The following TGFB2 variants were observed in gnomAD, a reference collection of about 807,000 sequenced individuals.
TGFB2 encodes the protein transforming growth factor beta 2.
Under a neutral mutation model 42.7 loss-of-function variants are expected in TGFB2, and 13 were observed. The ratio of observed to expected loss-of-function variants is 0.30; its 90% CI spans 0.20 to 0.48. The LOEUF (loss-of-function observed/expected upper bound fraction) is 0.48. TGFB2 is among the 20% of genes least tolerant of loss of function. The probability of loss-of-function intolerance (pLI) is 0.99; values close to 1 mark genes in which losing one functional copy is unlikely to be tolerated. For missense variants in TGFB2, 390 were observed against 517.5 expected, an observed-to-expected ratio of 0.75 and a Z score of 2.39; for synonymous variants, 193 against 193.6, an observed-to-expected ratio of 1.00 and a Z score of 0.03.
At chr1:218,350,889 A>C (rs1441938521) in intron 1 of TGFB2, among the ~76,000 whole-genome samples, 1 of 152,238 alleles carries the variant, frequency 6.6e-6, no homozygotes, top group Non-Finnish European at 1.5e-5. Flanking sequence ...AAAGAGTGGA[A>C]TCTCCAAGCT....
chr1:218,434,295 T>G, intron 3 of TGFB2, 43 bp from the exon 4 acceptor site: 1 of 1,612,294 alleles, frequency 6.2e-7, no homozygotes, highest in African/African-American at 1.3e-5. Flanking sequence ...TTTAAGGGTA[T>G]AGACACACAT....
At chr1:218,428,971 TC>T (rs1486630913) in intron 2 of TGFB2, among the ~76,000 whole-genome samples, 2 of 137,122 alleles carry the variant, frequency 1.5e-5, no homozygotes, top group East Asian at 2.6e-4. Context: ...TCCATGAGCA[TC>T]TTTTTTTTTT....
intron 2 of TGFB2, among the ~76,000 whole-genome samples, chr1:218,422,474 G>T (rs1359050037): frequency 6.6e-6 from 1 of 152,114 alleles, no homozygotes; most frequent in African/African-American, 2.4e-5. Context: ...TTCCATCTCA[G>T]CGTCCCATAG....
chr1:218,374,488 C>G (rs1181479407), intron 1 of TGFB2, among the ~76,000 whole-genome samples: 1 of 152,198 alleles, frequency 6.6e-6, no homozygotes, highest in Non-Finnish European at 1.5e-5. Flanking sequence ...ACGGGGCCCC[C>G]GTGGTCTGCT....
chr1:218,372,629 AG>A (rs778893692), intron 1 of TGFB2, among the ~76,000 whole-genome samples: 4 of 152,196 alleles, frequency 2.6e-5, no homozygotes, highest in African/African-American at 7.2e-5. Context: ...CTAACCTACT[AG>A]GTGCACTGGT....
intron 2 of TGFB2, among the ~76,000 whole-genome samples, chr1:218,414,426 A>G (rs947293429): frequency 2.0e-5 from 3 of 152,200 alleles, no homozygotes; most frequent in Non-Finnish European, 2.9e-5. Flanking sequence ...ACAGCATACA[A>G]TCTTCTTAAT....
chr1:218,426,110 T>G (rs1369198797), intron 2 of TGFB2, among the ~76,000 whole-genome samples: 1 of 152,228 alleles, frequency 6.6e-6, no homozygotes, highest in Non-Finnish European at 1.5e-5. Flanking sequence ...GGTGTCAATT[T>G]TTCTCTACAG....
intron 1 of TGFB2, among the ~76,000 whole-genome samples, chr1:218,389,400 C>T (rs953278173): frequency 2.0e-5 from 3 of 152,100 alleles, no homozygotes; most frequent in Non-Finnish European, 2.9e-5. Flanking sequence ...CACCCTCGCC[C>T]GATAGAGAGG....
At chr1:218,418,086 G>A (rs1045952105) in intron 2 of TGFB2, among the ~76,000 whole-genome samples, 2 of 152,188 alleles carry the variant, frequency 1.3e-5, no homozygotes, top group Admixed American at 6.5e-5. Context: ...TGAAAAGAGG[G>A]CCACCATCTT....
At chr1:218,365,025 T>C (rs1657341880) in intron 1 of TGFB2, among the ~76,000 whole-genome samples, 1 of 152,148 alleles carries the variant, frequency 6.6e-6, no homozygotes, top group Non-Finnish European at 1.5e-5. Context: ...GAATACCCCC[T>C]ATGTCCCTGG....
intron 2 of TGFB2, among the ~76,000 whole-genome samples, chr1:218,430,350 A>T (rs1005724041): frequency 2.6e-5 from 4 of 152,112 alleles, no homozygotes; most frequent in African/African-American, 9.6e-5. Context: ...AGCCAAGATC[A>T]CACCACTGTA....
At position 218,444,041 on chromosome 1, in the gene TGFB2, A is replaced by G. The variant is rs546581619; in HGVS notation, c.*2679A>G. On this transcript the variant is annotated 3_prime_UTR_variant, in exon 7 of 7. Transcript: ENST00000366930. ...TCAGTACCATCATCGAGTCTAGAAA[A>G]CACCTGTGATGCAATAAGACTATCT... is the stretch of plus-strand genomic sequence containing the variant. 5 of 152,142 alleles carry G rather than the reference A, an allele frequency of 3.3e-5. No homozygotes were observed. Among genetic ancestry groups the G allele is most frequent in the African/African-American group, 9.6e-5 (4 of 41,506 alleles). 9.4% of individuals were successfully genotyped at this position (152,142 alleles called of 1,614,324 possible).
At chr1:218,392,126 C>T (rs1200670455) in intron 1 of TGFB2, among the ~76,000 whole-genome samples, 2 of 152,178 alleles carry the variant, frequency 1.3e-5, no homozygotes, top group East Asian at 3.9e-4. Flanking sequence ...CCAAGGTGGG[C>T]GGATCACAAG....
intron 1 of TGFB2, among the ~76,000 whole-genome samples, chr1:218,399,443 G>A (rs965551910): frequency 2.0e-5 from 3 of 152,028 alleles, no homozygotes; most frequent in Middle Eastern, 3.2e-3. Context: ...TATAAAAACC[G>A]AAGAAATCCA....
chr1:218,437,590 G>C, intron 6 of TGFB2, 94 bp downstream of exon 6: 1 of 1,343,336 alleles, frequency 7.4e-7, no homozygotes. Flanking sequence ...ACCTCGTGCT[G>C]TCTTACCATC....
chr1:218,405,048 C>G, intron 1 of TGFB2, 121 bp from the exon 2 acceptor site: 3 of 1,102,362 alleles, frequency 2.7e-6, no homozygotes, highest in Non-Finnish European at 3.9e-6. Context: ...ATTAAACTGG[C>G]CGTTGGAAAC....
intron 1 of TGFB2, among the ~76,000 whole-genome samples, chr1:218,404,237 G>A (rs983240723): frequency 9.9e-5 from 15 of 151,982 alleles, no homozygotes; most frequent in African/African-American, 2.4e-4. Context: ...CTCAGTCTCC[G>A]GAGTAGATGG....
At chr1:218,415,708 A>G (rs1435917327) in intron 2 of TGFB2, among the ~76,000 whole-genome samples, 1 of 150,462 alleles carries the variant, frequency 6.6e-6, no homozygotes, top group African/African-American at 2.4e-5. Flanking sequence ...AGAAAAAAAA[A>G]AAAAAAAAAA....
chr1:218,396,408 C>T (rs1428898922), intron 1 of TGFB2, among the ~76,000 whole-genome samples: 2 of 152,104 alleles, frequency 1.3e-5, no homozygotes, highest in African/African-American at 4.8e-5. Context: ...TCTAGCTCAC[C>T]CTGCCACCAT....
Sources: allele counts gnomAD v4.1 joint callset (sites outside exome capture counted in the v4.1 genomes callset), GRCh38; gene constraint gnomAD v4.1.1; transcripts MANE v1.5; gene names NCBI Gene and HGNC (gene_info 2026-07-23, HGNC 2026-07-21).